Variants in LEF1 observed in about 807,000 individuals in gnomAD.
LEF1 encodes the protein lymphoid enhancer-binding factor 1.
A neutral mutation model predicts 51.2 loss-of-function variants in LEF1; 14 were observed. The observed-to-expected ratio is 0.27, with a 90% CI of 0.18 to 0.43. The LOEUF is 0.43. Ranked by LOEUF, LEF1 falls within the 20% of genes least tolerant of loss-of-function variation. The pLI, the probability that LEF1 is intolerant of heterozygous loss-of-function variation, is 1.00. For synonymous variants in LEF1, 185 were observed against 183.2 expected (o/e 1.01, Z -0.08); for missense variants, 386 against 512.0 (o/e 0.75, Z 2.37).
At chr4:108,118,163 G>T (rs147595817) in intron 3 of LEF1, among the ~76,000 whole-genome samples, 80 of 152,300 alleles carry the variant, frequency 5.3e-4, no homozygotes, top group Non-Finnish European at 1.0e-3. Flanking sequence ...CAAAGTCCAT[G>T]ATCCTTTTAA....
chr4:108,077,178 AATTT>A (rs1279949659), intron 8 of LEF1, among the ~76,000 whole-genome samples: 4 of 150,642 alleles, frequency 2.7e-5, no homozygotes, highest in African/African-American at 9.7e-5. Context: ...ATCTCTACAA[AATTT>A]TTTTTTTTTA....
At position 108,167,922 on chromosome 4, in the gene LEF1, G is replaced by T; in HGVS notation, c.-155C>A. ...AAGCGGGGCGGGCGAGCGCGGGGCC[G>T]CCGGCCGGCAGCCGGAGCAGCTGCC... On this transcript the variant is annotated 5_prime_UTR_variant, in exon 1 of 12. Transcript: ENST00000265165. The surrounding 1 kb of genome is among the most constrained non-coding windows in gnomAD (Gnocchi z 5.7). 2.2e-6 allele frequency: 1 copy of T among 459,982 alleles called. No individual in the cohort carries two copies. Among genetic ancestry groups the T allele is most frequent in the Non-Finnish European group, 3.5e-6 (1 of 287,318 alleles). The allele number at this position is 459,982 out of a possible 1,614,324, so 28.5% of individuals were successfully genotyped here. A position where few individuals can be genotyped will look rare whatever the true frequency, so the allele number is the denominator to read the frequency against.
chr4:108,118,726 G>A (rs1211085455), intron 3 of LEF1, among the ~76,000 whole-genome samples: 2 of 152,092 alleles, frequency 1.3e-5, no homozygotes, highest in African/African-American at 4.8e-5. Context: ...GCTGTGGCAG[G>A]AGATGGCCAC....
intron 3 of LEF1, among the ~76,000 whole-genome samples, chr4:108,144,145 C>T (rs930967059): frequency 2.6e-5 from 4 of 152,078 alleles, no homozygotes; most frequent in Non-Finnish European, 2.9e-5. Context: ...GCATTCCAAT[C>T]GCTTCACACA....
At chr4:108,089,601 T>C (rs1739875378) in intron 3 of LEF1, among the ~76,000 whole-genome samples, 1 of 152,188 alleles carries the variant, frequency 6.6e-6, no homozygotes, top group African/African-American at 2.4e-5. Context: ...GTTAAGTCAA[T>C]AAAGAGCGAA....
rs79533132 is a variant in LEF1 at position 108,069,571 on chromosome 4, T to G, written c.1116+1092A>C. Among the ~76,000 whole-genome samples the G allele has an allele frequency of 3.8e-3, 580 of 152,312 alleles. 2 individuals are homozygous for G. Among genetic ancestry groups the G allele is most frequent in the African/African-American group, 0.013 (557 of 41,558 alleles). ...AAAGATTTTTTTACCCAGTTTTAAG[T>G]AGTCTGTGGCAAAACAGTCACCTGA... On this transcript the variant is annotated intron_variant, in intron 9 of 11. Transcript: ENST00000265165.
At chr4:108,057,000 G>T (rs903549285) in intron 11 of LEF1, among the ~76,000 whole-genome samples, 1 of 151,870 alleles carries the variant, frequency 6.6e-6, no homozygotes, top group Admixed American at 6.6e-5. Flanking sequence ...CTGTGGCCAA[G>T]GGTAGCTGCG....
At chr4:108,147,956 C>T (rs1415105481) in intron 3 of LEF1, among the ~76,000 whole-genome samples, 1 of 152,186 alleles carries the variant, frequency 6.6e-6, no homozygotes, top group African/African-American at 2.4e-5. Context: ...AACTTATCTA[C>T]CTTCATAATA....
At chr4:108,053,358 T>C (rs1412467012) in intron 11 of LEF1, among the ~76,000 whole-genome samples, 1 of 152,110 alleles carries the variant, frequency 6.6e-6, no homozygotes, top group Non-Finnish European at 1.5e-5. Flanking sequence ...TAACACTGAG[T>C]TTTATTTCTG....
chr4:108,166,668 G>T, intron 1 of LEF1: 1 of 1,002,896 alleles, frequency 1.0e-6, no homozygotes, highest in Non-Finnish European at 1.2e-6. Context: ...CAGCTCTATC[G>T]CCCGCAGCGG....
intron 1 of LEF1, among the ~76,000 whole-genome samples, chr4:108,165,920 C>A (rs1745359200): frequency 6.6e-6 from 1 of 152,174 alleles, no homozygotes; most frequent in Admixed American, 6.5e-5. Flanking sequence ...CGAGTGCTCT[C>A]GGATTCGAAC....
intron 3 of LEF1, among the ~76,000 whole-genome samples, chr4:108,122,113 T>C (rs542560715): frequency 2.6e-4 from 39 of 152,316 alleles, no homozygotes; most frequent in Non-Finnish European, 4.3e-4. Flanking sequence ...TCAATCTTAA[T>C]GGTTGTTCAA....
Position 108,149,635 on chromosome 4 carries a change from G to GTACATATATGTACATGTGTATATATATA in LEF1, c.414+13905_414+13932dup, listed in dbSNP as rs1251716545. 3.6e-3 allele frequency among the ~76,000 whole-genome samples: 524 copies of GTACATATATGTACATGTGTATATATATA among 146,840 alleles called. 2 individuals are homozygous for GTACATATATGTACATGTGTATATATATA. The highest frequency in any genetic ancestry group is 0.012 in the African/African-American group (496 of 39,696). ...CATATATATACATGTGTATATATAT[G>GTACATATATGTACATGTGTATATATATA]TACATATATGTACATGTGTATATAT... is the stretch of plus-strand genomic sequence containing the variant. On this transcript the variant is annotated intron_variant, in intron 3 of 11. Coordinates refer to ENST00000265165, the MANE Select transcript of LEF1 (RefSeq NM_016269.5).
chr4:108,097,176 T>G (rs534816040), intron 3 of LEF1, among the ~76,000 whole-genome samples: 1 of 152,358 alleles, frequency 6.6e-6, no homozygotes, highest in East Asian at 1.9e-4. Context: ...AGCTAAGATT[T>G]GGAATCAACC....
At chr4:108,111,067 C>T (rs1741502921) in intron 3 of LEF1, among the ~76,000 whole-genome samples, 2 of 152,038 alleles carry the variant, frequency 1.3e-5, no homozygotes, top group East Asian at 3.9e-4. Flanking sequence ...AAATATAGTG[C>T]TAATCAATAA....
intron 3 of LEF1, chr4:108,104,618 A>G (rs1741036737): frequency 1.1e-6 from 1 of 901,302 alleles, no homozygotes; most frequent in Non-Finnish European, 1.3e-6. Flanking sequence ...ACAGCAAAGT[A>G]CGACATATTG....
At chr4:108,148,525 T>C (rs1384670466) in intron 3 of LEF1, among the ~76,000 whole-genome samples, 2 of 152,200 alleles carry the variant, frequency 1.3e-5, no homozygotes, top group Non-Finnish European at 2.9e-5. Flanking sequence ...AGTAGTGATG[T>C]CATGCCTGCC....
chr4:108,138,847 A>G (rs1398131636), intron 3 of LEF1, among the ~76,000 whole-genome samples: 2 of 152,208 alleles, frequency 1.3e-5, no homozygotes, highest in African/African-American at 4.8e-5. Flanking sequence ...TGTGACCTAC[A>G]TGTGCCACCA....
In LEF1 at chr4:108,160,463, G is replaced by A. The variant is rs72898329; in HGVS notation, c.414+3105C>T. ...AGTTTACTATGCCCTAAGAACTCAC[G>A]CTGACACCAAATATGTCATGATAGG... On this transcript the variant is annotated intron_variant, in intron 3 of 11. Transcript: ENST00000265165. 1.5e-3 allele frequency among the ~76,000 whole-genome samples: 224 copies of A among 152,168 alleles called. 1 individual carries two copies. The highest frequency in any genetic ancestry group is 5.1e-3 in the African/African-American group (213 of 41,516).
Sources: allele counts gnomAD v4.1 joint callset (sites outside exome capture counted in the v4.1 genomes callset), GRCh38; gene constraint gnomAD v4.1.1; non-coding constraint Gnocchi (gnomAD v3.1); transcripts MANE v1.5; gene names NCBI Gene and HGNC (gene_info 2026-07-23, HGNC 2026-07-21).